TDRP: variants seen among roughly 807,000 people sequenced by gnomAD.
TDRP encodes the protein testis development-related protein.
TDRP carries 12 observed loss-of-function variants against 10.5 expected under a neutral mutation model. That is an observed-to-expected ratio of 1.15 (90% CI 0.73 to 1.86). The LOEUF (loss-of-function observed/expected upper bound fraction) is 1.86, where lower values mean the gene tolerates loss of function less well. Among genes scored for constraint, TDRP ranks in the 40% most tolerant of loss-of-function variants. TDRP has a pLI of 0.00. For missense variants in TDRP, 353 were observed against 229.2 expected (o/e 1.54, Z -3.49); for synonymous variants, 139 against 95.4 (o/e 1.46, Z -2.67).
intron 1 of TDRP, among the ~76,000 whole-genome samples, chr8:540,036 T>C (rs1249322394): frequency 6.6e-6 from 1 of 152,228 alleles, no homozygotes; most frequent in African/African-American, 2.4e-5. Context: ...GCCAAATCCC[T>C]ATGCAATCCA....
At position 491,083 on chromosome 8, in the gene TDRP, A is replaced by G. The variant is rs535204289; in HGVS notation, c.*1316T>C. ...TCAAGTAAACCTGTTCTATTAAAAAACATGCAGACACTGATAACACTGCAG... is the reference window on the plus strand; with the variant it reads ...TCAAGTAAACCTGTTCTATTAAAAAGCATGCAGACACTGATAACACTGCAG... On this transcript the variant is annotated 3_prime_UTR_variant, in exon 3 of 3. Transcript: ENST00000324079. The G allele has an allele frequency of 6.6e-6, 1 of 152,440 alleles. No homozygotes were observed. The highest frequency in any genetic ancestry group is 2.1e-4 in the South Asian group (1 of 4,828). The allele number at this position is 152,440 out of a possible 1,614,324, so 9.4% of individuals were successfully genotyped here.
At chr8:536,707 A>G (rs1197343071) in intron 1 of TDRP, among the ~76,000 whole-genome samples, 2 of 152,182 alleles carry the variant, frequency 1.3e-5, no homozygotes, top group Non-Finnish European at 2.9e-5. Flanking sequence ...TTGAATTAAA[A>G]CTTTTTAATG....
At position 491,739 on chromosome 8, in the gene TDRP, A is replaced by T; in HGVS notation, c.*660T>A. 6 of 1,422,234 alleles carry T rather than the reference A, an allele frequency of 4.2e-6. No individual in the cohort carries two copies. Among genetic ancestry groups the T allele is most frequent in the Non-Finnish European group, 5.5e-6 (6 of 1,098,114 alleles). The allele number at this position is 1,422,234 out of a possible 1,614,324, so 88.1% of individuals were successfully genotyped here. ...ACCGATTTAGAAGTTCAAAAGAGGT[A>T]AAAATAAAATTCCAAAAAAGAACCA... On this transcript the variant is annotated 3_prime_UTR_variant, in exon 3 of 3. Transcript: ENST00000324079.
chr8:515,077 G>C (rs1480372987), intron 1 of TDRP, among the ~76,000 whole-genome samples: 1 of 152,256 alleles, frequency 6.6e-6, no homozygotes, highest in East Asian at 1.9e-4. Context: ...CCACTCACCA[G>C]TTCTGTAACC....
intron 1 of TDRP, among the ~76,000 whole-genome samples, chr8:528,886 T>C (rs780991700): frequency 1.5e-4 from 23 of 152,050 alleles, no homozygotes; most frequent in Non-Finnish European, 3.1e-4. Flanking sequence ...TTAAGTAGTA[T>C]TAACTCACAC....
intron 1 of TDRP, among the ~76,000 whole-genome samples, chr8:544,220 C>T (rs1050112630): frequency 6.6e-6 from 1 of 152,164 alleles, no homozygotes. Context: ...TTCAGGCCTT[C>T]TCCGCCAGCT....
intron 1 of TDRP, among the ~76,000 whole-genome samples, chr8:501,188 A>G (rs1801288200): frequency 6.6e-6 from 1 of 151,820 alleles, no homozygotes; most frequent in South Asian, 2.1e-4. Context: ...CCTGGGCGAC[A>G]GAGTGAGACT....
chr8:525,073 A>G (rs1802002081), intron 1 of TDRP, among the ~76,000 whole-genome samples: 3 of 152,244 alleles, frequency 2.0e-5, no homozygotes, highest in African/African-American at 7.2e-5. Context: ...CGGCAAGAGA[A>G]AAGAAACAGA....
chr8:522,575 T>C (rs1355093579), intron 1 of TDRP, among the ~76,000 whole-genome samples: 3 of 152,182 alleles, frequency 2.0e-5, no homozygotes, highest in Non-Finnish European at 4.4e-5. Context: ...TAAATAACTG[T>C]CTTTGTTTCT....
rs978208314 is a variant in TDRP at position 492,124 on chromosome 8, G to C, written c.*275C>G. On this transcript the variant is annotated 3_prime_UTR_variant, in exon 3 of 3. Transcript: ENST00000324079. ...AAATCATTACTGCTGTATTATGGGAGAGCATCATAAATTCACATCTCCAGT... is the reference window on the plus strand; with the variant it reads ...AAATCATTACTGCTGTATTATGGGACAGCATCATAAATTCACATCTCCAGT... The C allele has an allele frequency of 7.9e-5, 97 of 1,234,584 alleles. No homozygotes were observed. The East Asian group carries it at 3.0e-3, about 39-fold the overall frequency. 76.5% of individuals were successfully genotyped at this position (1,234,584 alleles called of 1,614,324 possible).
chr8:503,617 C>A (rs375149309), intron 1 of TDRP, among the ~76,000 whole-genome samples: 2 of 144,096 alleles, frequency 1.4e-5, no homozygotes, highest in African/African-American at 5.5e-5. Flanking sequence ...CAGCACGCAC[C>A]CAACACGGAA....
chr8:511,928 G>A (rs1482303129), intron 1 of TDRP, among the ~76,000 whole-genome samples: 2 of 152,014 alleles, frequency 1.3e-5, no homozygotes, highest in Non-Finnish European at 2.9e-5. Context: ...AGCTTAGGAG[G>A]AAATTTATAG....
At chr8:535,637 C>T (rs1364412109) in intron 1 of TDRP, among the ~76,000 whole-genome samples, 2 of 152,088 alleles carry the variant, frequency 1.3e-5, no homozygotes, top group African/African-American at 4.8e-5. Context: ...AAAGCCAAGT[C>T]GCCCATTCCT....
At chr8:522,906 G>C (rs536568922) in intron 1 of TDRP, among the ~76,000 whole-genome samples, 1 of 152,144 alleles carries the variant, frequency 6.6e-6, no homozygotes, top group Non-Finnish European at 1.5e-5. Context: ...CAGCTTACGT[G>C]TATCCTTATA....
At chr8:498,972 C>A (rs985329330) in intron 1 of TDRP, among the ~76,000 whole-genome samples, 2 of 152,086 alleles carry the variant, frequency 1.3e-5, no homozygotes, top group African/African-American at 2.4e-5. Context: ...GAGGCCTCCC[C>A]AGCCACATGG....
chr8:520,920 T>A (rs1323115106), intron 1 of TDRP, among the ~76,000 whole-genome samples: 2 of 152,180 alleles, frequency 1.3e-5, no homozygotes, highest in Non-Finnish European at 2.9e-5. Context: ...CTTTGTTACA[T>A]GTAAGTCTTA....
chr8:530,920 G>A (rs1802174569), intron 1 of TDRP, among the ~76,000 whole-genome samples: 1 of 152,136 alleles, frequency 6.6e-6, no homozygotes, highest in Admixed American at 6.5e-5. Flanking sequence ...TCCATCCGCA[G>A]CACTGCTGAG....
At chr8:542,936 A>C (rs369037922) in intron 1 of TDRP, among the ~76,000 whole-genome samples, 11 of 151,842 alleles carry the variant, frequency 7.2e-5, no homozygotes, top group African/African-American at 2.7e-4. Flanking sequence ...AGGCACTGCC[A>C]GCAATTGAAT....
chr8:544,519 G>C (rs571545657), intron 1 of TDRP, 131 bp downstream of exon 1: 1 of 530,376 alleles, frequency 1.9e-6, no homozygotes, highest in South Asian at 9.8e-5. Context: ...GGAGCTACGC[G>C]GCCCCAACCT....
Sources: gnomAD v4.1 joint callset for allele counts (sites outside exome capture counted in the v4.1 genomes callset) on GRCh38, gnomAD v4.1.1 for gene constraint, MANE v1.5 for transcripts, NCBI Gene and HGNC (gene_info 2026-07-23, HGNC 2026-07-21) for gene names.